Variants in LDLRAD3 observed in about 807,000 individuals in gnomAD.
LDLRAD3 encodes the protein low density lipoprotein receptor class A domain containing 3.
Under a neutral mutation model 29.4 loss-of-function variants are expected in LDLRAD3, and 20 were observed. That is an observed-to-expected ratio of 0.68 (90% confidence interval 0.48 to 0.99). The LOEUF is 0.99. Ranked by LOEUF, LDLRAD3 falls within the 50% of genes least tolerant of loss-of-function variation. The probability of loss-of-function intolerance (pLI) is 0.00; values close to 1 mark genes in which losing one functional copy is unlikely to be tolerated. For synonymous variants in LDLRAD3, 157 were observed against 192.7 expected, an observed-to-expected ratio of 0.81 and a Z score of 1.53; for missense variants, 420 against 454.3, an observed-to-expected ratio of 0.92 and a Z score of 0.69.
chr11:36,089,286 AGAT>A (rs1392933420), intron 3 of LDLRAD3, among the ~76,000 whole-genome samples: 1 of 151,742 alleles, frequency 6.6e-6, no homozygotes, highest in African/African-American at 2.4e-5. Context: ...TCCTTTTTAT[AGAT>A]AAGGGAACAG....
Position 36,048,104 on chromosome 11 carries a change from C to T in LDLRAD3, c.193+11855C>T, listed in dbSNP as rs541341811. Among the ~76,000 whole-genome samples, 89 of 152,242 alleles carry T rather than the reference C, an allele frequency of 5.8e-4. 1 individual carries two copies. Among genetic ancestry groups the T allele is most frequent in the Non-Finnish European group, 8.5e-4 (58 of 68,018 alleles). On this transcript the variant is annotated intron_variant, in intron 2 of 5. Coordinates refer to ENST00000315571, the MANE Select transcript of LDLRAD3 (RefSeq NM_174902.4). Reference sequence around the variant, plus strand: ...TAAGAGAGAGAGCCTCCAGGGTTGGCGAGAGTTTTTGATCCAGGCTTTTTC... The same window carrying T: ...TAAGAGAGAGAGCCTCCAGGGTTGGTGAGAGTTTTTGATCCAGGCTTTTTC...
chr11:36,002,080 G>T (rs1043123234), intron 1 of LDLRAD3, among the ~76,000 whole-genome samples: 1 of 152,082 alleles, frequency 6.6e-6, no homozygotes, highest in South Asian at 2.1e-4. Flanking sequence ...GGTTGCTTTC[G>T]CATTTCTTCT....
intron 4 of LDLRAD3, among the ~76,000 whole-genome samples, chr11:36,157,603 A>T (rs567553721): frequency 2.6e-5 from 4 of 152,320 alleles, no homozygotes; most frequent in African/African-American, 9.6e-5. Context: ...ATTGGGGGTC[A>T]TGATAAGGGA....
intron 4 of LDLRAD3, among the ~76,000 whole-genome samples, chr11:36,176,763 C>T (rs1854684791): frequency 6.6e-6 from 1 of 152,196 alleles, no homozygotes; most frequent in South Asian, 2.1e-4. Flanking sequence ...TTCATCTTGA[C>T]TTCAGATAAC....
At chr11:35,979,512 G>A (rs548099486) in intron 1 of LDLRAD3, among the ~76,000 whole-genome samples, 1 of 152,184 alleles carries the variant, frequency 6.6e-6, no homozygotes, top group African/African-American at 2.4e-5. Flanking sequence ...TTTCCTTCCT[G>A]AGGTTGACCA....
intron 1 of LDLRAD3, among the ~76,000 whole-genome samples, chr11:36,030,884 T>G (rs1181809649): frequency 2.6e-5 from 4 of 152,196 alleles, no homozygotes; most frequent in African/African-American, 9.6e-5. Context: ...GAATTCCCAT[T>G]TCTCAGCTGG....
At chr11:36,188,178 T>C (rs900010119) in intron 4 of LDLRAD3, among the ~76,000 whole-genome samples, 1 of 151,894 alleles carries the variant, frequency 6.6e-6, no homozygotes, top group Non-Finnish European at 1.5e-5. Context: ...AGAATTCCAT[T>C]AGTATCACTT....
chr11:36,111,761 G>C (rs546308161), intron 4 of LDLRAD3, among the ~76,000 whole-genome samples: 2 of 152,052 alleles, frequency 1.3e-5, no homozygotes, highest in Non-Finnish European at 2.9e-5. Context: ...CACCACACCC[G>C]GCTAATTTTT....
At chr11:36,161,933 A>G (rs1456943040) in intron 4 of LDLRAD3, among the ~76,000 whole-genome samples, 1 of 152,220 alleles carries the variant, frequency 6.6e-6, no homozygotes, top group Non-Finnish European at 1.5e-5. Flanking sequence ...ATGAGTTAAC[A>G]TCTATCGAGA....
At chr11:35,970,425 G>C (rs1851397790) in intron 1 of LDLRAD3, among the ~76,000 whole-genome samples, 1 of 152,198 alleles carries the variant, frequency 6.6e-6, no homozygotes, top group Non-Finnish European at 1.5e-5. Flanking sequence ...AGGATTGCCA[G>C]CAACCTCCAG....
chr11:36,173,762 A>C (rs977294612), intron 4 of LDLRAD3, among the ~76,000 whole-genome samples: 3 of 152,168 alleles, frequency 2.0e-5, no homozygotes, highest in African/African-American at 7.2e-5. Context: ...TTTGAGAATC[A>C]ATATCGTGAA....
chr11:36,092,961 G>A (rs1184313546), intron 3 of LDLRAD3, among the ~76,000 whole-genome samples: 1 of 152,196 alleles, frequency 6.6e-6, no homozygotes, highest in Non-Finnish European at 1.5e-5. Flanking sequence ...TGCAAAGGAT[G>A]GGGGAGATTA....
At chr11:35,988,112 C>T (rs1423090050) in intron 1 of LDLRAD3, among the ~76,000 whole-genome samples, 2 of 152,194 alleles carry the variant, frequency 1.3e-5, no homozygotes, top group Non-Finnish European at 2.9e-5. Flanking sequence ...GGCTGGAGTG[C>T]AGTGGCATGG....
chr11:36,055,453 A>G (rs1852604573), intron 2 of LDLRAD3, among the ~76,000 whole-genome samples: 1 of 152,146 alleles, frequency 6.6e-6, no homozygotes, highest in South Asian at 2.1e-4. Flanking sequence ...GCAGAAGCTA[A>G]TGAAGGGCTT....
intron 4 of LDLRAD3, among the ~76,000 whole-genome samples, chr11:36,121,913 G>A (rs1481463153): frequency 1.3e-5 from 2 of 152,204 alleles, no homozygotes; most frequent in Non-Finnish European, 1.5e-5. Flanking sequence ...CTGAGCCCTC[G>A]CGGCATGCCA....
rs1426871694 is a variant in LDLRAD3, at chr11:35,971,906, A to G, written c.46+27762A>G. ...TATTGGGATGGGGAAGGAGTGGGGA[A>G]AGAATCCAGGAAGATCCCAGTATTC... On this transcript the variant is annotated intron_variant, in intron 1 of 5. Transcript: ENST00000315571. 2.6e-5 allele frequency among the ~76,000 whole-genome samples: 4 copies of G among 152,228 alleles called. No individual in the cohort carries two copies. In the East Asian group the frequency reaches 7.7e-4, roughly 29 times the overall value.
At chr11:35,986,264 G>A (rs7128839) in intron 1 of LDLRAD3, among the ~76,000 whole-genome samples, 4,301 of 152,262 alleles carry the variant, frequency 0.028, 183 homozygotes, top group African/African-American at 0.098. Flanking sequence ...CCCCGGATTG[G>A]TTAAAGGAGA....
chr11:36,030,112 CTGA>C (rs1852217381), intron 1 of LDLRAD3, among the ~76,000 whole-genome samples: 1 of 152,184 alleles, frequency 6.6e-6, no homozygotes, highest in Non-Finnish European at 1.5e-5. Context: ...GCAGGGTTGC[CTGA>C]AGAGTCTAGA....
intron 3 of LDLRAD3, among the ~76,000 whole-genome samples, chr11:36,090,262 A>G (rs1853260615): frequency 6.6e-6 from 1 of 152,338 alleles, no homozygotes; most frequent in Middle Eastern, 3.4e-3. Context: ...GAGCAGATGC[A>G]GGATGAGGAG....
Sources: gnomAD v4.1 joint callset for allele counts (sites outside exome capture counted in the v4.1 genomes callset) on GRCh38, gnomAD v4.1.1 for gene constraint, MANE v1.5 for transcripts, NCBI Gene and HGNC (gene_info 2026-07-23, HGNC 2026-07-21) for gene names.